Variants in SLC24A3 observed in about 807,000 individuals in gnomAD.
The protein encoded by SLC24A3 is solute carrier family 24 member 3.
A neutral mutation model predicts 75.8 loss-of-function variants in SLC24A3; 28 were observed. The observed-to-expected ratio is 0.37, with a 90% CI of 0.27 to 0.51. The LOEUF is 0.51. Ranked by LOEUF, SLC24A3 falls within the 20% of genes least tolerant of loss-of-function variation. The probability of loss-of-function intolerance (pLI) is 0.94; values close to 1 mark genes in which losing one functional copy is unlikely to be tolerated. For synonymous variants in SLC24A3, 372 were observed against 334.1 expected (o/e 1.11, Z -1.24); for missense variants, 663 against 847.8 (o/e 0.78, Z 2.71).
At chr20:19,524,346 C>G (rs916718423) in intron 3 of SLC24A3, among the ~76,000 whole-genome samples, 1 of 152,230 alleles carries the variant, frequency 6.6e-6, no homozygotes, top group South Asian at 2.1e-4. Context: ...AGTCCCTCCT[C>G]GACATCCACA....
At chr20:19,373,982 C>T (rs1986035748) in intron 2 of SLC24A3, among the ~76,000 whole-genome samples, 1 of 152,168 alleles carries the variant, frequency 6.6e-6, no homozygotes. Flanking sequence ...TGAAGGATTC[C>T]TTATCCAAGT....
intron 2 of SLC24A3, chr20:19,284,269 T>A (rs545173912): frequency 7.2e-5 from 11 of 152,838 alleles, no homozygotes; most frequent in African/African-American, 2.6e-4. Flanking sequence ...TCATCTTCTC[T>A]GCCTCTAACT....
chr20:19,569,992 C>A (rs541136133), intron 3 of SLC24A3, among the ~76,000 whole-genome samples: 2 of 152,288 alleles, frequency 1.3e-5, no homozygotes, highest in South Asian at 4.2e-4. Flanking sequence ...GTACATTAGA[C>A]CTCCCCACTA....
chr20:19,620,327 G>T (rs1456299086), intron 6 of SLC24A3, among the ~76,000 whole-genome samples: 6 of 152,060 alleles, frequency 3.9e-5, no homozygotes, highest in Admixed American at 2.0e-4. Flanking sequence ...AATCTTTTTT[G>T]GGGGGGAAAG....
At chr20:19,484,727 A>G (rs1988104694) in intron 2 of SLC24A3, among the ~76,000 whole-genome samples, 1 of 152,210 alleles carries the variant, frequency 6.6e-6, no homozygotes, top group South Asian at 2.1e-4. Context: ...TAAGAGTTTC[A>G]GTCTTCCAAG....
Position 19,563,159 on chromosome 20 carries a change from T to C in SLC24A3, c.349-16841T>C, listed in dbSNP as rs151231067. On this transcript the variant is annotated intron_variant, in intron 3 of 16. Transcript: ENST00000328041. ...ACTGAAGACAAAAAGCCATCCCCTC[T>C]ACCTGAAGGATCTTTTTTTCTTCTG... 1.9e-3 allele frequency among the ~76,000 whole-genome samples: 282 copies of C among 152,318 alleles called. 1 individual carries two copies. The highest frequency in any genetic ancestry group is 6.3e-3 in the African/African-American group (262 of 41,572).
intron 2 of SLC24A3, among the ~76,000 whole-genome samples, chr20:19,326,393 C>G (rs570688618): frequency 6.6e-6 from 1 of 152,010 alleles, no homozygotes; most frequent in South Asian, 2.1e-4. Flanking sequence ...GAATAACAAT[C>G]CTGACTACTC....
chr20:19,333,638 TGTGA>T (rs1316081115), intron 2 of SLC24A3, among the ~76,000 whole-genome samples: 3 of 150,866 alleles, frequency 2.0e-5, no homozygotes, highest in Non-Finnish European at 4.4e-5. Flanking sequence ...TGTGTGTGTG[TGTGA>T]GTGTGTGTGT....
chr20:19,368,096 ATGTG>A (rs1309105672), intron 2 of SLC24A3, among the ~76,000 whole-genome samples: 2 of 151,876 alleles, frequency 1.3e-5, no homozygotes, highest in Non-Finnish European at 2.9e-5. Context: ...GTGTGTATGA[ATGTG>A]AGTGTGTGTG....
At chr20:19,583,652 C>T (rs1272704623) in intron 4 of SLC24A3, among the ~76,000 whole-genome samples, 5 of 152,150 alleles carry the variant, frequency 3.3e-5, no homozygotes, top group African/African-American at 1.2e-4. Flanking sequence ...ACTAATACCC[C>T]AGCAGGACAG....
At position 19,580,159 on chromosome 20, in the gene SLC24A3, T is replaced by A. The variant is rs2031199381; in HGVS notation, c.423+85T>A. On this transcript the variant is annotated intron_variant, in intron 4 of 16. Coordinates refer to ENST00000328041, the MANE Select transcript of SLC24A3 (RefSeq NM_020689.4). ...TACTGTTCCAGCCTCCTCACCAAAGTCCTGGGGAGCCCTCGCAGGGCAGCT... is the reference window on the plus strand; with the variant it reads ...TACTGTTCCAGCCTCCTCACCAAAGACCTGGGGAGCCCTCGCAGGGCAGCT... The A allele has an allele frequency of 8.2e-6, 10 of 1,215,238 alleles. No individual in the cohort carries two copies. In the South Asian group the frequency reaches 1.2e-4, roughly 15 times the overall value. 75.3% of individuals were successfully genotyped at this position (1,215,238 alleles called of 1,614,324 possible).
intron 6 of SLC24A3, among the ~76,000 whole-genome samples, chr20:19,608,270 G>A (rs2031624397): frequency 6.6e-6 from 1 of 152,164 alleles, no homozygotes; most frequent in Non-Finnish European, 1.5e-5. Flanking sequence ...GCTTTCTTTG[G>A]TGATGATGAT....
At chr20:19,220,081 A>G (rs769039963) in intron 1 of SLC24A3, among the ~76,000 whole-genome samples, 1 of 152,238 alleles carries the variant, frequency 6.6e-6, no homozygotes, top group Non-Finnish European at 1.5e-5. Context: ...ACCATGGAGC[A>G]TGTTGGTCAT....
At chr20:19,214,737 G>A (rs887033047) in intron 1 of SLC24A3, among the ~76,000 whole-genome samples, 2 of 152,126 alleles carry the variant, frequency 1.3e-5, no homozygotes, top group African/African-American at 4.8e-5. Flanking sequence ...ATTTTGGAAT[G>A]GTTTCCCTGG....
chr20:19,700,801 A>T (rs1249301356), intron 15 of SLC24A3, among the ~76,000 whole-genome samples: 1 of 152,216 alleles, frequency 6.6e-6, no homozygotes, highest in African/African-American at 2.4e-5. Context: ...TCCAAAGTGT[A>T]CTTAATCATG....
chr20:19,357,984 AC>A (rs1456927288), intron 2 of SLC24A3, among the ~76,000 whole-genome samples: 5 of 152,198 alleles, frequency 3.3e-5, no homozygotes, highest in African/African-American at 9.7e-5. Context: ...ATCATCACTT[AC>A]CATTTACCAC....
intron 3 of SLC24A3, among the ~76,000 whole-genome samples, chr20:19,571,235 G>T (rs950941820): frequency 2.6e-5 from 4 of 152,144 alleles, no homozygotes; most frequent in Admixed American, 2.6e-4. Flanking sequence ...GAGAAGGTGT[G>T]TACTGGAATC....
At chr20:19,518,828 G>T (rs541716077) in intron 3 of SLC24A3, among the ~76,000 whole-genome samples, 131 of 152,346 alleles carry the variant, frequency 8.6e-4, no homozygotes, top group African/African-American at 2.9e-3. Context: ...GCCCAGGCAG[G>T]ACATAGAAAA....
At chr20:19,284,234 T>C (rs1457429028) in intron 2 of SLC24A3, 2 of 152,722 alleles carry the variant, frequency 1.3e-5, no homozygotes, top group African/African-American at 4.8e-5. Context: ...AAGGTCCTGA[T>C]TTAGAAGCAT....
Sources: allele counts gnomAD v4.1 joint callset (sites outside exome capture counted in the v4.1 genomes callset), GRCh38; gene constraint gnomAD v4.1.1; transcripts MANE v1.5; gene names NCBI Gene and HGNC (gene_info 2026-07-23, HGNC 2026-07-21).